The following CD2 variants were observed in gnomAD, a reference collection of about 807,000 sequenced individuals.
The protein encoded by CD2 is CD2 molecule.
A neutral mutation model predicts 23.2 loss-of-function variants in CD2; 18 were observed. That is an observed-to-expected ratio of 0.77 (90% CI 0.54 to 1.15). The LOEUF (loss-of-function observed/expected upper bound fraction) is 1.15. Among genes scored for constraint, CD2 ranks in the 50% most tolerant of loss-of-function variants. The probability of loss-of-function intolerance (pLI) is 0.00; values close to 1 mark genes in which losing one functional copy is unlikely to be tolerated. For synonymous variants in CD2, 162 were observed against 151.9 expected, an observed-to-expected ratio of 1.07 and a Z score of -0.49; for missense variants, 424 against 423.1, an observed-to-expected ratio of 1.00 and a Z score of -0.02.
chr1:116,760,333 TATAA>T, intron 2 of CD2, 65 bp from the exon 3 acceptor site: 1 of 1,246,974 alleles, frequency 8.0e-7, no homozygotes, highest in African/African-American at 1.5e-5. Context: ...TCCCCCACTG[TATAA>T]ATAGATATGT....
rs370570850 is a variant in CD2, at chr1:116,768,674, C to G, written c.947C>G (p.Ser316Trp). Residue 316 changes from serine (S) to tryptophan (W), a missense_variant, in exon 5 of 5, where the codon TCG becomes TGG. Physicochemically the swap from Ser to Trp is radical, Grantham distance 177. Coordinates refer to ENST00000369478, the MANE Select transcript of CD2 (RefSeq NM_001767.5). ...HQPQKRPPAP[S>W]GTQVHQQKGP... Reference sequence around the variant, plus strand: ...CCTCAGAAGAGGCCTCCTGCTCCGTCGGGCACACAAGTTCACCAGCAGAAA... The same window carrying G: ...CCTCAGAAGAGGCCTCCTGCTCCGTGGGGCACACAAGTTCACCAGCAGAAA... 3.7e-6 allele frequency: 6 copies of G among 1,614,006 alleles called. No individual in the cohort carries two copies. The highest frequency in any genetic ancestry group is 5.1e-6 in the Non-Finnish European group (6 of 1,180,044).
intron 4 of CD2, among the ~76,000 whole-genome samples, chr1:116,765,314 A>C (rs1270706437): frequency 2.6e-5 from 4 of 152,114 alleles, no homozygotes; most frequent in Non-Finnish European, 5.9e-5. Context: ...CAGCCAAGGG[A>C]ACAGGCCCTG....
rs766786239 is a variant in CD2 at position 116,754,701 on chromosome 1, C to T, written c.132C>T (p.Asp44=). Residue 44 remains aspartate (D), a synonymous_variant, in exon 2 of 5, where the codon GAC becomes GAT. Coordinates refer to ENST00000369478, the MANE Select transcript of CD2 (RefSeq NM_001767.5). ...WGALGQDINL[D]IPSFQMSDDI... ...CCTTGGGTCAGGACATCAACTTGGA[C>T]ATTCCTAGTTTTCAAATGAGTGATG... 2 of 1,612,302 alleles carry T rather than the reference C, an allele frequency of 1.2e-6. No homozygotes were observed. The highest frequency in any genetic ancestry group is 1.7e-5 in the Admixed American group (1 of 59,718).
intron 4 of CD2, among the ~76,000 whole-genome samples, chr1:116,768,106 G>A (rs377400819): frequency 6.6e-6 from 1 of 152,120 alleles, no homozygotes; most frequent in Non-Finnish European, 1.5e-5. Context: ...CCCTTCCCAT[G>A]CGCTCTAACC....
At chr1:116,761,271 C>A (rs772500771) in intron 3 of CD2, among the ~76,000 whole-genome samples, 3 of 152,186 alleles carry the variant, frequency 2.0e-5, no homozygotes, top group Non-Finnish European at 4.4e-5. Flanking sequence ...TGAGAGGCAG[C>A]CTTCTATAGT....
At chr1:116,755,735 A>C (rs1318686473) in intron 2 of CD2, among the ~76,000 whole-genome samples, 1 of 152,142 alleles carries the variant, frequency 6.6e-6, no homozygotes, top group Non-Finnish European at 1.5e-5. Context: ...CCTAGACCAA[A>C]GGGTGCCTCT....
chr1:116,763,805 G>A (rs1652128161), intron 3 of CD2, among the ~76,000 whole-genome samples: 1 of 152,090 alleles, frequency 6.6e-6, no homozygotes, highest in Admixed American at 6.5e-5. Flanking sequence ...TACAGTGACT[G>A]AAGGTCCAGC....
chr1:116,768,911 C>A lies in CD2; in HGVS notation c.*128C>A. 1 of 924,380 alleles carries A rather than the reference C, an allele frequency of 1.1e-6. No homozygotes were observed. Among genetic ancestry groups the A allele is most frequent in the Non-Finnish European group, 1.6e-6 (1 of 618,524 alleles). 57.3% of individuals were successfully genotyped at this position (924,380 alleles called of 1,614,324 possible). ...TGTCACCTCCTGAGGCTGTGGGCCA[C>A]AGCCACCTCTGCATCTTCGAACTCA... On this transcript the variant is annotated 3_prime_UTR_variant, in exon 5 of 5. Transcript: ENST00000369478.
At chr1:116,763,730 G>A (rs549710078) in intron 3 of CD2, among the ~76,000 whole-genome samples, 61 of 152,240 alleles carry the variant, frequency 4.0e-4, no homozygotes, top group African/African-American at 1.5e-3. Flanking sequence ...CACAGCTCCT[G>A]CCTAAAAAAG....
chr1:116,764,361 A>G, intron 3 of CD2, 123 bp from the exon 4 acceptor site: 1 of 1,429,862 alleles, frequency 7.0e-7, no homozygotes, highest in Non-Finnish European at 9.3e-7. Flanking sequence ...CCTGGGAGTT[A>G]TGGGGTGAAA....
intron 3 of CD2, among the ~76,000 whole-genome samples, chr1:116,762,575 G>C (rs1034226596): frequency 1.3e-5 from 2 of 152,212 alleles, no homozygotes; most frequent in African/African-American, 4.8e-5. Context: ...GCAATGGTCA[G>C]AGTCTGACCA....
At chr1:116,762,729 T>C (rs1652096140) in intron 3 of CD2, among the ~76,000 whole-genome samples, 1 of 152,180 alleles carries the variant, frequency 6.6e-6, no homozygotes, top group South Asian at 2.1e-4. Context: ...ATAGTATGCC[T>C]GGATTTAGGA....
chr1:116,762,671 G>A (rs925497873), intron 3 of CD2, among the ~76,000 whole-genome samples: 1 of 152,164 alleles, frequency 6.6e-6, no homozygotes, highest in Non-Finnish European at 1.5e-5. Flanking sequence ...AAAATAATTT[G>A]TCACATAAAC....
chr1:116,764,743 T>C (rs1199067090), intron 4 of CD2, 137 bp downstream of exon 4: 1 of 668,448 alleles, frequency 1.5e-6, no homozygotes, highest in Non-Finnish European at 2.6e-6. Context: ...TAGTCAGCGG[T>C]TATAGCTTGT....
At chr1:116,766,967 C>T (rs1349181636) in intron 4 of CD2, among the ~76,000 whole-genome samples, 1 of 152,192 alleles carries the variant, frequency 6.6e-6, no homozygotes, top group African/African-American at 2.4e-5. Flanking sequence ...CCACCCACTG[C>T]CCCATAATTC....
At chr1:116,765,560 CA>C (rs1371591009) in intron 4 of CD2, among the ~76,000 whole-genome samples, 1 of 152,214 alleles carries the variant, frequency 6.6e-6, no homozygotes, top group Non-Finnish European at 1.5e-5. Flanking sequence ...CCCATCACGT[CA>C]CTACCCCCAG....
Position 116,754,844 on chromosome 1 carries a change from T to C in CD2, c.275T>C (p.Leu92Pro). The change falls in exon 2 of 5, where the codon CTG (leucine) becomes CCG (proline). Residue 92 changes from leucine (L) to proline (P), a missense_variant. Physicochemically the swap from Leu to Pro is moderately conservative, Grantham distance 98. Coordinates refer to ENST00000369478, the MANE Select transcript of CD2 (RefSeq NM_001767.5). The stretch of plus-strand genomic sequence containing the variant: ...TATAAGCTATTTAAAAATGGAACTC[T>C]GAAAATTAAGCATCTGAAGACCGAT... Reference protein sequence around the residue: ...DTYKLFKNGTLKIKHLKTDDQ... With the variant: ...DTYKLFKNGTPKIKHLKTDDQ... 1 of 1,612,768 alleles carries C rather than the reference T, an allele frequency of 6.2e-7. No homozygotes were observed. The highest frequency in any genetic ancestry group is 8.5e-7 in the Non-Finnish European group (1 of 1,178,850).
Position 116,760,463 on chromosome 1 carries a change from A to G in CD2, c.444A>G (p.Val148=). 3.7e-6 allele frequency: 6 copies of G among 1,614,242 alleles called. No homozygotes were observed. Among genetic ancestry groups the G allele is most frequent in the Non-Finnish European group, 5.1e-6 (6 of 1,180,044 alleles). ...TCINTTLTCE[V]MNGTDPELNL... is the part of the protein sequence containing the mutation. ...TCAACACAACCCTGACCTGTGAGGT[A>G]ATGAATGGAACTGACCCCGAATTAA... The change falls in exon 3 of 5, where the codon GTA becomes GTG. Residue 148 remains valine (V), a synonymous_variant. Transcript: ENST00000369478.
At chr1:116,761,927 C>T (rs562223446) in intron 3 of CD2, among the ~76,000 whole-genome samples, 1 of 152,256 alleles carries the variant, frequency 6.6e-6, no homozygotes, top group Admixed American at 6.5e-5. Flanking sequence ...ACCTCCCAGG[C>T]TCAAGCAATC....
Sources: gnomAD v4.1 joint callset for allele counts (sites outside exome capture counted in the v4.1 genomes callset) on GRCh38, gnomAD v4.1.1 for gene constraint, MANE v1.5 for transcripts, NCBI Gene and HGNC (gene_info 2026-07-23, HGNC 2026-07-21) for gene names.